ACKR3: variants seen among roughly 807,000 people sequenced by gnomAD.
ACKR3 encodes the protein atypical chemokine receptor 3, also known as C-X-C chemokine receptor type 7.
Under a neutral mutation model 22.4 loss-of-function variants are expected in ACKR3, and 6 were observed. The ratio of observed to expected loss-of-function variants is 0.27; its 90% CI spans 0.15 to 0.53. The LOEUF is 0.53. Among genes scored for constraint, ACKR3 ranks in the 20% least tolerant of loss-of-function variants. ACKR3 has a pLI of 0.96. For missense variants in ACKR3, 396 were observed against 475.2 expected (o/e 0.83, Z 1.55); for synonymous variants, 209 against 205.2 (o/e 1.02, Z -0.16).
chr2:236,551,443 C>G, the ACKR3 span, among the ~76,000 whole-genome samples: 1 of 152,160 alleles, frequency 6.6e-6, no homozygotes, highest in African/African-American at 2.4e-5. Context: ...CCTTGAAACC[C>G]TGAGGTACTG....
the ACKR3 span, among the ~76,000 whole-genome samples, chr2:236,539,306 CTTTTTTTTTTT>C: frequency 2.5e-5 from 3 of 120,750 alleles, no homozygotes; most frequent in Admixed American, 8.4e-5. Flanking sequence ...TTTTTCTTTT[CTTTTTTTTTTT>C]TTTTTTTGTT....
chr2:236,544,449 G>A, the ACKR3 span, among the ~76,000 whole-genome samples: 5 of 152,220 alleles, frequency 3.3e-5, no homozygotes, highest in Admixed American at 6.5e-5. This position sits in a 1 kb window ranked among gnomAD's most constrained non-coding sequence, Gnocchi z 5.0. Flanking sequence ...GCTTCCTGTC[G>A]GAGCAGGTCG....
rs775315289 is a variant in ACKR3 at position 236,581,298 on chromosome 2, C to G, written c.833C>G (p.Ser278Cys). 8.7e-6 allele frequency: 14 copies of G among 1,613,884 alleles called. No homozygotes were observed. ...GTGGCGGTGCTGCTGGACATCTTCTCCATCCTGCACTACATCCCTTTCACC... is the reference window on the plus strand; with the variant it reads ...GTGGCGGTGCTGCTGGACATCTTCTGCATCCTGCACTACATCCCTTTCACC... ...YHVAVLLDIF[S>C]ILHYIPFTCR... is the part of the protein sequence containing the mutation. The change falls in exon 2 of 2, where the codon TCC (serine) becomes TGC (cysteine). Residue 278 changes from serine (S) to cysteine (C), a missense_variant. Transcript: ENST00000272928. This position sits in a 1 kb window ranked among gnomAD's most constrained non-coding sequence, Gnocchi z 4.4.
chr2:236,576,136 T>G (rs1323303372), intron 1 of ACKR3, among the ~76,000 whole-genome samples: 1 of 152,222 alleles, frequency 6.6e-6, no homozygotes, highest in Admixed American at 6.5e-5. Context: ...CCAGACATGT[T>G]TCTTAGACCC....
chr2:236,544,333 A>C, the ACKR3 span, among the ~76,000 whole-genome samples: 1,982 of 152,252 alleles, frequency 0.013, 22 homozygotes, highest in Non-Finnish European at 0.02. The surrounding 1 kb of genome is among the most constrained non-coding windows in gnomAD (Gnocchi z 5.0). Flanking sequence ...GGATTCAGAA[A>C]GGTTATTACA....
intron 1 of ACKR3, among the ~76,000 whole-genome samples, chr2:236,576,579 G>T (rs1220089465): frequency 6.6e-6 from 1 of 152,236 alleles, no homozygotes; most frequent in Non-Finnish European, 1.5e-5. Flanking sequence ...CACTTATTAA[G>T]ATCTAAGCAG....
chr2:236,555,561 G>C, the ACKR3 span, among the ~76,000 whole-genome samples: 1 of 152,154 alleles, frequency 6.6e-6, no homozygotes, highest in African/African-American at 2.4e-5. Context: ...AGCCCTAAAA[G>C]CTGCCTTCAG....
the ACKR3 span, among the ~76,000 whole-genome samples, chr2:236,561,655 C>A: frequency 6.6e-6 from 1 of 152,084 alleles, no homozygotes; most frequent in African/African-American, 2.4e-5. Flanking sequence ...CCATGCCTGG[C>A]TAATTTTTGT....
chr2:236,562,898 C>T (rs1331013713), upstream of ACKR3, among the ~76,000 whole-genome samples: 1 of 152,088 alleles, frequency 6.6e-6, no homozygotes, highest in Non-Finnish European at 1.5e-5. Context: ...TGGTCTGTCA[C>T]CATGTAGCGC....
the ACKR3 span, among the ~76,000 whole-genome samples, chr2:236,551,624 C>T: frequency 1.3e-5 from 2 of 152,216 alleles, no homozygotes; most frequent in Non-Finnish European, 2.9e-5. Flanking sequence ...GACTCCTTCC[C>T]CTTTCCCCCT....
the ACKR3 span, among the ~76,000 whole-genome samples, chr2:236,551,268 C>T: frequency 6.6e-6 from 1 of 152,204 alleles, no homozygotes; most frequent in African/African-American, 2.4e-5. Flanking sequence ...CTTCATGCCC[C>T]AAGCCCCATT....
the ACKR3 span, among the ~76,000 whole-genome samples, chr2:236,562,357 TA>T: frequency 1.3e-5 from 2 of 152,226 alleles, no homozygotes; most frequent in Non-Finnish European, 2.9e-5. Context: ...TTTTTATTTT[TA>T]AAAGGGTTTT....
chr2:236,551,265 C>T, the ACKR3 span, among the ~76,000 whole-genome samples: 1 of 152,202 alleles, frequency 6.6e-6, no homozygotes, highest in Admixed American at 6.5e-5. Context: ...AGGCTTCATG[C>T]CCCAAGCCCC....
At chr2:236,555,819 GGAAA>G in the ACKR3 span, among the ~76,000 whole-genome samples, 1 of 124,136 alleles carries the variant, frequency 8.1e-6, no homozygotes, top group African/African-American at 4.9e-5. Flanking sequence ...TTACCTTAAA[GGAAA>G]AAAAAAAAAA....
chr2:236,549,103 A>G, the ACKR3 span, among the ~76,000 whole-genome samples: 1 of 152,254 alleles, frequency 6.6e-6, no homozygotes, highest in East Asian at 1.9e-4. The surrounding 1 kb of genome is among the most constrained non-coding windows in gnomAD (Gnocchi z 5.3). Flanking sequence ...TGCTTATCCA[A>G]TATGAGATAA....
At chr2:236,555,728 G>C in the ACKR3 span, among the ~76,000 whole-genome samples, 1 of 151,570 alleles carries the variant, frequency 6.6e-6, no homozygotes, top group African/African-American at 2.4e-5. Flanking sequence ...TGAGCCAGCA[G>C]ATGCCTACTT....
Position 236,581,711 on chromosome 2 carries a change from T to G in ACKR3, c.*157T>G. On this transcript the variant is annotated 3_prime_UTR_variant, in exon 2 of 2. Transcript: ENST00000272928. The surrounding 1 kb of genome is among the most constrained non-coding windows in gnomAD (Gnocchi z 4.4). Reference sequence around the variant, plus strand: ...CCCCTGCATCCATTCTCTCTTTCTCTTGATGACGCAGCTGTCATTTGGCTG... The same window carrying G: ...CCCCTGCATCCATTCTCTCTTTCTCGTGATGACGCAGCTGTCATTTGGCTG... 1 of 957,118 alleles carries G rather than the reference T, an allele frequency of 1.0e-6. No individual in the cohort carries two copies. The highest frequency in any genetic ancestry group is 1.5e-6 in the Non-Finnish European group (1 of 655,472). 59.3% of individuals were successfully genotyped at this position (957,118 alleles called of 1,614,324 possible). A position where few individuals can be genotyped will look rare whatever the true frequency, so the allele number is the denominator to read the frequency against.
At chr2:236,566,383 G>A (rs1691180642), upstream of ACKR3, among the ~76,000 whole-genome samples, 1 of 152,178 alleles carries the variant, frequency 6.6e-6, no homozygotes, top group African/African-American at 2.4e-5. Context: ...TGCCTTCTCT[G>A]AGTTTTCTAT....
chr2:236,566,767 T>TTCCTTCCTTCCTTCCTTCCTTA (rs1559469803), upstream of ACKR3, among the ~76,000 whole-genome samples: 1 of 62,790 alleles, frequency 1.6e-5, no homozygotes, highest in Non-Finnish European at 2.6e-5. Flanking sequence ...TTCCTTCCTT[T>TTCCTTCCTTCCTTCCTTCCTTA]TCTTTGCTAG....
Sources: allele counts gnomAD v4.1 joint callset (sites outside exome capture counted in the v4.1 genomes callset), GRCh38; gene constraint gnomAD v4.1.1; non-coding constraint Gnocchi (gnomAD v3.1); transcripts MANE v1.5; gene names NCBI Gene and HGNC (gene_info 2026-07-23, HGNC 2026-07-21).